GUCY1A2: variants seen among roughly 807,000 people sequenced by gnomAD.
The protein encoded by GUCY1A2 is guanylate cyclase soluble subunit alpha-2.
Under a neutral mutation model 63.5 loss-of-function variants are expected in GUCY1A2, and 27 were observed. The ratio of observed to expected loss-of-function variants is 0.43; its 90% CI spans 0.31 to 0.59. GUCY1A2 has a LOEUF of 0.59. Among genes scored for constraint, GUCY1A2 ranks in the 20% least tolerant of loss-of-function variants. The pLI is 0.11. For missense variants in GUCY1A2, 768 were observed against 913.3 expected (o/e 0.84, Z 2.05); for synonymous variants, 364 against 343.5 (o/e 1.06, Z -0.66).
intron 4 of GUCY1A2, among the ~76,000 whole-genome samples, chr11:106,866,928 AT>A (rs1388098404): frequency 1.3e-5 from 2 of 152,082 alleles, no homozygotes; most frequent in African/African-American, 4.8e-5. Context: ...ATTTTAAAAG[AT>A]AGCACAGGTC....
chr11:106,955,351 C>G (rs1024707292), intron 3 of GUCY1A2, among the ~76,000 whole-genome samples: 14 of 152,248 alleles, frequency 9.2e-5, no homozygotes, highest in African/African-American at 3.1e-4. Flanking sequence ...CAACATGATG[C>G]TATTTGGTTA....
intron 1 of GUCY1A2, among the ~76,000 whole-genome samples, chr11:107,016,394 G>C (rs1279825975): frequency 1.3e-5 from 2 of 152,232 alleles, no homozygotes; most frequent in African/African-American, 4.8e-5. Flanking sequence ...CTTTAAAACA[G>C]AGCTCTCCCA....
At chr11:106,887,768 T>C (rs773104489) in intron 4 of GUCY1A2, among the ~76,000 whole-genome samples, 8 of 152,160 alleles carry the variant, frequency 5.3e-5, no homozygotes, top group Non-Finnish European at 8.8e-5. Flanking sequence ...TTGACAGAGA[T>C]GAAGATGCTT....
intron 4 of GUCY1A2, among the ~76,000 whole-genome samples, chr11:106,815,283 G>A (rs974952880): frequency 1.3e-5 from 2 of 151,714 alleles, no homozygotes; most frequent in African/African-American, 4.8e-5. Context: ...GGGATCTTTA[G>A]GACAATAAAA....
At chr11:107,012,636 C>G (rs750846196) in intron 1 of GUCY1A2, among the ~76,000 whole-genome samples, 2 of 152,140 alleles carry the variant, frequency 1.3e-5, no homozygotes, top group Non-Finnish European at 2.9e-5. Flanking sequence ...GTGCTTTCAA[C>G]TCTGTCATGT....
intron 4 of GUCY1A2, among the ~76,000 whole-genome samples, chr11:106,900,366 T>C (rs993838741): frequency 6.6e-6 from 1 of 152,152 alleles, no homozygotes; most frequent in African/African-American, 2.4e-5. Context: ...GTATTTTTTG[T>C]AGAGACGGGG....
At chr11:106,718,143 A>G (rs1471545318) in intron 6 of GUCY1A2, among the ~76,000 whole-genome samples, 2 of 152,166 alleles carry the variant, frequency 1.3e-5, no homozygotes, top group Non-Finnish European at 2.9e-5. Flanking sequence ...ATCTTACTGT[A>G]TTTACTGTCA....
At position 106,924,937 on chromosome 11, in the gene GUCY1A2, G is replaced by A. The variant is rs117795385; in HGVS notation, c.1206+14523C>T. 2.4e-3 allele frequency among the ~76,000 whole-genome samples: 364 copies of A among 152,174 alleles called. 3 individuals carry two copies. Among genetic ancestry groups the A allele is most frequent in the East Asian group, 0.021 (106 of 5,170 alleles). ...GGAGAAATCACCTGAGGCTGGGGAG[G>A]TCGAGGCTGCAGTGAGCCAAGATTA... On this transcript the variant is annotated intron_variant, in intron 4 of 7. Transcript: ENST00000526355.
chr11:106,781,514 C>G (rs1565288073), intron 5 of GUCY1A2, among the ~76,000 whole-genome samples: 1 of 152,090 alleles, frequency 6.6e-6, no homozygotes, highest in Non-Finnish European at 1.5e-5. Flanking sequence ...TTACATTATT[C>G]CAGAAATAAA....
chr11:106,995,413 C>T (rs961818553), intron 1 of GUCY1A2, among the ~76,000 whole-genome samples: 8 of 152,184 alleles, frequency 5.3e-5, no homozygotes, highest in African/African-American at 1.9e-4. Flanking sequence ...TGACTCCCTC[C>T]AAAATCTCCA....
intron 4 of GUCY1A2, among the ~76,000 whole-genome samples, chr11:106,891,245 T>C (rs1345006513): frequency 6.6e-6 from 1 of 152,200 alleles, no homozygotes; most frequent in Non-Finnish European, 1.5e-5. Flanking sequence ...CTATACTTTT[T>C]TGTCCATTTA....
intron 4 of GUCY1A2, among the ~76,000 whole-genome samples, chr11:106,853,294 C>T (rs1859380938): frequency 6.6e-6 from 1 of 152,078 alleles, no homozygotes; most frequent in South Asian, 2.1e-4. Flanking sequence ...TATAGCATCC[C>T]ATGTGTCACA....
chr11:106,849,536 T>G (rs893155471), intron 4 of GUCY1A2, among the ~76,000 whole-genome samples: 4 of 151,462 alleles, frequency 2.6e-5, no homozygotes, highest in Non-Finnish European at 5.9e-5. Context: ...TTTGATTGAG[T>G]GTATTTCGAG....
intron 4 of GUCY1A2, among the ~76,000 whole-genome samples, chr11:106,824,579 G>C (rs1858942514): frequency 6.6e-6 from 1 of 152,054 alleles, no homozygotes; most frequent in South Asian, 2.1e-4. Flanking sequence ...GTGCCATTGT[G>C]TCTAAGGACA....
chr11:107,009,118 A>C (rs1861710058), intron 1 of GUCY1A2, among the ~76,000 whole-genome samples: 1 of 152,206 alleles, frequency 6.6e-6, no homozygotes, highest in African/African-American at 2.4e-5. Context: ...TACTTGGAGA[A>C]CTAAATGAGA....
rs1862337211 is a variant in GUCY1A2, at chr11:106,675,855, G to T, written c.*11694C>A. On this transcript the variant is annotated 3_prime_UTR_variant, in exon 8 of 8. Coordinates refer to ENST00000526355, the MANE Select transcript of GUCY1A2 (RefSeq NM_000855.3). ...AGTATAGGATAAACAAAAGTTAACA[G>T]AGAAATTCGTCCCTTTTGAAGTTTT... 5.3e-6 allele frequency: 1 copy of T among 187,948 alleles called. No homozygotes were observed. Among genetic ancestry groups the T allele is most frequent in the African/African-American group, 2.3e-5 (1 of 42,784 alleles). The allele number at this position is 187,948 out of a possible 1,614,324, so 11.6% of individuals were successfully genotyped here.
intron 1 of GUCY1A2, among the ~76,000 whole-genome samples, chr11:107,013,244 C>T (rs913968614): frequency 6.6e-6 from 1 of 152,116 alleles, no homozygotes; most frequent in Non-Finnish European, 1.5e-5. Context: ...CTGAGGTCTT[C>T]AAAGCCACTT....
chr11:106,947,492 TAAC>T (rs921855254), intron 3 of GUCY1A2, among the ~76,000 whole-genome samples: 2 of 151,516 alleles, frequency 1.3e-5, no homozygotes, highest in African/African-American at 4.8e-5. Context: ...TAATAAAAAC[TAAC>T]AAAAAGGCAA....
intron 1 of GUCY1A2, among the ~76,000 whole-genome samples, chr11:107,006,596 T>A (rs956650209): frequency 6.6e-6 from 1 of 152,188 alleles, no homozygotes; most frequent in Admixed American, 6.5e-5. Context: ...CCTAAGAGAC[T>A]CCCTGGTGGA....
Sources: allele counts gnomAD v4.1 joint callset (sites outside exome capture counted in the v4.1 genomes callset), GRCh38; gene constraint gnomAD v4.1.1; transcripts MANE v1.5; gene names NCBI Gene and HGNC (gene_info 2026-07-23, HGNC 2026-07-21).